AFAP1L2: variants seen among roughly 807,000 people sequenced by gnomAD.
The protein encoded by AFAP1L2 is actin filament associated protein 1 like 2, also known as actin filament-associated protein 1-like 2.
A neutral mutation model predicts 99.3 loss-of-function variants in AFAP1L2; 46 were observed. That is an observed-to-expected ratio of 0.46 (90% CI 0.37 to 0.59). The LOEUF (loss-of-function observed/expected upper bound fraction) is 0.59. Among genes scored for constraint, AFAP1L2 ranks in the 20% least tolerant of loss-of-function variants. AFAP1L2 has a pLI of 0.00. For missense variants in AFAP1L2, 959 were observed against 1,034.9 expected, an observed-to-expected ratio of 0.93 and a Z score of 1.01; for synonymous variants, 397 against 419.1, an observed-to-expected ratio of 0.95 and a Z score of 0.64.
At chr10:114,308,946 C>T (rs554307480) in intron 8 of AFAP1L2, among the ~76,000 whole-genome samples, 18 of 152,178 alleles carry the variant, frequency 1.2e-4, no homozygotes, top group Non-Finnish European at 2.6e-4. Context: ...CAGGCTGGTG[C>T]CCAAGTTAAA....
intron 1 of AFAP1L2, among the ~76,000 whole-genome samples, chr10:114,396,090 T>C (rs2138217241): frequency 6.6e-6 from 1 of 152,264 alleles, no homozygotes; most frequent in East Asian, 1.9e-4. Flanking sequence ...CTTGGATGTG[T>C]TTGTGATTTT....
At chr10:114,302,533 G>A in intron 11 of AFAP1L2, 49 bp from the exon 12 acceptor site, 1 of 1,609,320 alleles carries the variant, frequency 6.2e-7, no homozygotes, top group Non-Finnish European at 8.5e-7. Flanking sequence ...AGTGCTGCCT[G>A]GTGCCAGCCC....
chr10:114,319,020 G>C (rs1450097406), intron 5 of AFAP1L2, among the ~76,000 whole-genome samples: 1 of 152,092 alleles, frequency 6.6e-6, no homozygotes, highest in Non-Finnish European at 1.5e-5. Flanking sequence ...CGGTCATGGT[G>C]ATGCGTGCCT....
chr10:114,313,561 T>C (rs970521004), intron 7 of AFAP1L2, among the ~76,000 whole-genome samples: 3 of 152,176 alleles, frequency 2.0e-5, no homozygotes, highest in African/African-American at 7.2e-5. Context: ...CCTGGGTCTA[T>C]GGCAAATACG....
chr10:114,330,712 T>TATGATTTTACAACTCCATCCAC (rs2047108755), intron 4 of AFAP1L2, among the ~76,000 whole-genome samples: 1 of 152,204 alleles, frequency 6.6e-6, no homozygotes, highest in African/African-American at 2.4e-5. Context: ...CCCACATCCA[T>TATGATTTTACAACTCCATCCAC]ATGATTTTAC....
chr10:114,355,290 T>C (rs1247283873), intron 1 of AFAP1L2, among the ~76,000 whole-genome samples: 1 of 148,570 alleles, frequency 6.7e-6, no homozygotes, highest in Non-Finnish European at 1.5e-5. Context: ...AGTCTCACTC[T>C]GTTGCCCAGG....
chr10:114,357,054 T>C (rs984200497), intron 1 of AFAP1L2, among the ~76,000 whole-genome samples: 6 of 152,216 alleles, frequency 3.9e-5, no homozygotes, highest in South Asian at 2.1e-4. Context: ...AAGCTAAAGG[T>C]ATCACAGAGT....
rs754996134 is a variant in AFAP1L2 at position 114,296,097 on chromosome 10, AC to A, written c.2431-30del. On this transcript the variant is annotated intron_variant, in intron 18 of 18. Coordinates refer to ENST00000304129, the MANE Select transcript of AFAP1L2 (RefSeq NM_001001936.3). ...GGGTACCATTCAAATACCAGCACCC[AC>A]CCCCCACCAAAAAGATAGTTAGTTA... 3 of 1,613,872 alleles carry A rather than the reference AC, an allele frequency of 1.9e-6. No homozygotes were observed. The South Asian group carries it at 3.3e-5, about 18-fold the overall frequency.
At chr10:114,328,310 C>A (rs1564884290) in intron 4 of AFAP1L2, among the ~76,000 whole-genome samples, 1 of 152,218 alleles carries the variant, frequency 6.6e-6, no homozygotes, top group Non-Finnish European at 1.5e-5. Context: ...ATGATCCTGG[C>A]CCAGCCATAG....
chr10:114,340,586 C>A lies in AFAP1L2; in HGVS notation c.145+17G>T. On this transcript the variant is annotated intron_variant, in intron 2 of 18. Coordinates refer to ENST00000304129, the MANE Select transcript of AFAP1L2 (RefSeq NM_001001936.3). ...TTTGGCGTGGAGGCCTCTGCACCAC[C>A]CAGGGCCCACACTCACTGCTGCTTT... 6.2e-7 allele frequency: 1 copy of A among 1,612,314 alleles called. No homozygotes were observed. Among genetic ancestry groups the A allele is most frequent in the Non-Finnish European group, 8.5e-7 (1 of 1,179,036 alleles).
At chr10:114,299,157 C>T in intron 16 of AFAP1L2, 103 bp downstream of exon 16, 2 of 1,410,766 alleles carry the variant, frequency 1.4e-6, no homozygotes, top group Non-Finnish European at 2.0e-6. Context: ...GGGCCAGGGC[C>T]CACTGATTGA....
At chr10:114,326,794 G>A (rs2046353312) in intron 4 of AFAP1L2, among the ~76,000 whole-genome samples, 2 of 152,042 alleles carry the variant, frequency 1.3e-5, no homozygotes, top group African/African-American at 4.8e-5. Flanking sequence ...GTCACATGGG[G>A]TTGCTGTAAG....
intron 1 of AFAP1L2, among the ~76,000 whole-genome samples, chr10:114,354,882 G>A (rs1489398622): frequency 6.6e-6 from 1 of 152,164 alleles, no homozygotes; most frequent in Non-Finnish European, 1.5e-5. Flanking sequence ...TTTCACATAA[G>A]CTAGGCTTTA....
chr10:114,328,145 C>A (rs553151007), intron 4 of AFAP1L2, among the ~76,000 whole-genome samples: 118 of 152,224 alleles, frequency 7.8e-4, no homozygotes, highest in Admixed American at 2.7e-3. Context: ...GAGGCCACAG[C>A]TGCCTGAGTC....
At chr10:114,375,752 T>C (rs997671995) in intron 1 of AFAP1L2, among the ~76,000 whole-genome samples, 7 of 152,040 alleles carry the variant, frequency 4.6e-5, no homozygotes, top group African/African-American at 1.7e-4. Context: ...GGAGGGAGGA[T>C]TGCTTGAGTC....
chr10:114,287,954 C>T, the AFAP1L2 span, among the ~76,000 whole-genome samples: 12 of 152,170 alleles, frequency 7.9e-5, no homozygotes, highest in Non-Finnish European at 1.6e-4. Flanking sequence ...CCGCCTTCCC[C>T]GTAGCTGTGA....
At chr10:114,288,258 C>T in the AFAP1L2 span, among the ~76,000 whole-genome samples, 1,321 of 152,324 alleles carry the variant, frequency 8.7e-3, 8 homozygotes, top group Non-Finnish European at 0.016. Flanking sequence ...TGTTATGTTC[C>T]CCTACTGGTC....
Position 114,300,447 on chromosome 10 carries a change from G to T in AFAP1L2, c.1786C>A (p.Gln596Lys), listed in dbSNP as rs774899543. Residue 596 changes from glutamine (Q) to lysine (K), a missense_variant and splice_region_variant, in exon 14 of 19, where the codon CAG becomes AAG. Physicochemically the swap from Gln to Lys is moderately conservative, Grantham distance 53. This residue lies in a region of AFAP1L2 where 576 missense variants were observed against 562.1 expected (regional missense o/e 1.02). Coordinates refer to ENST00000304129, the MANE Select transcript of AFAP1L2 (RefSeq NM_001001936.3). The part of the protein sequence containing the change: ...CIKCPENLGE[Q>K]QLESLEPEDP... ...TGTCCTGCAGGGGAGGCCTGTACCT[G>T]TTCTCCCAGGTTCTCTGGACACTTT... 6.2e-7 allele frequency: 1 copy of T among 1,613,454 alleles called. No individual in the cohort carries two copies. Among genetic ancestry groups the T allele is most frequent in the Non-Finnish European group, 8.5e-7 (1 of 1,179,520 alleles).
rs143238518 is a variant in AFAP1L2 at position 114,369,153 on chromosome 10, C to T, written c.17-28422G>A. 7.6e-3 allele frequency among the ~76,000 whole-genome samples: 1,157 copies of T among 152,096 alleles called. 2 individuals are homozygous for T. The highest frequency in any genetic ancestry group is 0.023 in the South Asian group (109 of 4,816). ...TTGGCTGGGTGTGAAAAATCACTTC[C>T]GATTTTTAAAAACTTTTTATTGGCT... On this transcript the variant is annotated intron_variant, in intron 1 of 18. Coordinates refer to ENST00000304129, the MANE Select transcript of AFAP1L2 (RefSeq NM_001001936.3).
Sources: allele counts gnomAD v4.1 joint callset (sites outside exome capture counted in the v4.1 genomes callset), GRCh38; gene constraint gnomAD v4.1.1; regional missense constraint gnomAD v4.1.1; transcripts MANE v1.5; gene names NCBI Gene and HGNC (gene_info 2026-07-23, HGNC 2026-07-21).